Variants in MSR1 observed in about 807,000 individuals in gnomAD.
MSR1 encodes the protein macrophage scavenger receptor types I and II.
MSR1 carries 53 observed loss-of-function variants against 47.2 expected under a neutral mutation model. The ratio of observed to expected loss-of-function variants is 1.12; its 90% CI spans 0.90 to 1.41. The LOEUF (loss-of-function observed/expected upper bound fraction) is 1.41, where lower values mean the gene tolerates loss of function less well. Among genes scored for constraint, MSR1 ranks in the 40% most tolerant of loss-of-function variants. The probability of loss-of-function intolerance (pLI) is 0.00; values close to 1 mark genes in which losing one functional copy is unlikely to be tolerated. For missense variants in MSR1, 786 were observed against 546.9 expected (o/e 1.44, Z -4.36); for synonymous variants, 239 against 185.6 (o/e 1.29, Z -2.34).
At chr8:16,164,971 T>C (rs34519754) in intron 4 of MSR1, among the ~76,000 whole-genome samples, 15 of 152,234 alleles carry the variant, frequency 9.9e-5, no homozygotes, top group African/African-American at 3.1e-4. Flanking sequence ...TAAAATACTT[T>C]AGAGACTGAT....
chr8:16,111,726 C>A (rs1323186142), intron 9 of MSR1, among the ~76,000 whole-genome samples: 1 of 152,114 alleles, frequency 6.6e-6, no homozygotes, highest in Non-Finnish European at 1.5e-5. Context: ...TCTTATGTGG[C>A]AGGAAACACT....
chr8:16,112,967 G>A (rs1474828369), intron 9 of MSR1, among the ~76,000 whole-genome samples: 6 of 105,460 alleles, frequency 5.7e-5, no homozygotes, highest in African/African-American at 1.9e-4. Context: ...TTTTTTTTGA[G>A]ACAGAGACTC....
At position 16,126,534 on chromosome 8, in the gene MSR1, A is replaced by G. The variant is rs1800133041; in HGVS notation, c.1034-5928T>C. 2.6e-5 allele frequency among the ~76,000 whole-genome samples: 4 copies of G among 152,188 alleles called. No homozygotes were observed. In the South Asian group the frequency reaches 8.3e-4, roughly 32 times the overall value. ...CATGGCAAAATTCCTTTAAGAAGAT[A>G]ACTGATTCTTTATTTAAGATAATTA... On this transcript the variant is annotated intron_variant, in intron 8 of 9. Coordinates refer to ENST00000262101, the MANE Select transcript of MSR1 (RefSeq NM_138715.3).
At chr8:16,140,072 T>C (rs1352779653) in intron 8 of MSR1, 3 of 948,890 alleles carry the variant, frequency 3.2e-6, no homozygotes, top group Non-Finnish European at 3.7e-6. Flanking sequence ...AGGTACATAA[T>C]GGACATGTGA....
intron 3 of MSR1, among the ~76,000 whole-genome samples, chr8:16,174,087 C>G (rs1388142579): frequency 1.3e-5 from 2 of 152,138 alleles, no homozygotes; most frequent in South Asian, 2.1e-4. Flanking sequence ...TCTGAATTTT[C>G]TTATGTGGAT....
At chr8:16,112,293 A>T (rs1472463417) in intron 9 of MSR1, among the ~76,000 whole-genome samples, 1 of 152,140 alleles carries the variant, frequency 6.6e-6, no homozygotes, top group East Asian at 1.9e-4. Context: ...ACTTTTTATA[A>T]TAACCTTGTT....
At position 16,174,351 on chromosome 8, in the gene MSR1, A is replaced by G. The variant is rs184764806; in HGVS notation, c.217+836T>C. 3.4e-3 allele frequency among the ~76,000 whole-genome samples: 514 copies of G among 152,298 alleles called. 2 individuals are homozygous for G. The highest frequency in any genetic ancestry group is 6.0e-3 in the Non-Finnish European group (409 of 68,020). ...CACATGGGCAGACATTTTATCAGTC[A>G]TATAGAGAAGAGGAGAGCTATAAGG... On this transcript the variant is annotated intron_variant, in intron 3 of 9. Transcript: ENST00000262101.
In MSR1 at chr8:16,168,694, C is replaced by T. The variant is rs200991168; in HGVS notation, c.394G>A (p.Glu132Lys). The change falls in exon 4 of 10, where the codon GAA becomes AAA. Residue 132 changes from glutamate (E) to lysine (K), a missense_variant. Glu to Lys is a moderately conservative substitution (Grantham distance 56). Transcript: ENST00000262101. ...EKRIQHILDM[E>K]ANLMDTEHFQ... ...TGCTCTGTGTCCATGAGGTTGGCTT[C>T]CATGTCTAAAATATGCTGGATTCTC... The T allele has an allele frequency of 1.3e-5, 21 of 1,614,028 alleles. No homozygotes were observed. The highest frequency in any genetic ancestry group is 1.7e-5 in the Non-Finnish European group (20 of 1,180,024).
In MSR1 at chr8:16,177,902, T is replaced by C. The variant is rs747572335; in HGVS notation, c.87A>G (p.Thr29=). ...ESVKFDARSM[T]ALLPPNPKNS... ...TCTACTTACTCGGAGGAAGCAAAGC[T>C]GTCATTGAGCGAGCATCAAATTTCA... The change falls in exon 2 of 10, where the codon ACA becomes ACG. Residue 29 remains threonine, a synonymous_variant. Transcript: ENST00000262101. 35 of 1,613,748 alleles carry C rather than the reference T, an allele frequency of 2.2e-5. No homozygotes were observed. Among genetic ancestry groups the C allele is most frequent in the Non-Finnish European group, 2.5e-5 (30 of 1,179,874 alleles).
At chr8:16,148,030 C>T (rs556293029) in intron 7 of MSR1, among the ~76,000 whole-genome samples, 2 of 152,276 alleles carry the variant, frequency 1.3e-5, no homozygotes, top group South Asian at 4.1e-4. Context: ...GTGATTCCAA[C>T]ACCTACAATA....
At chr8:16,137,696 C>T (rs985669521) in intron 8 of MSR1, among the ~76,000 whole-genome samples, 1 of 152,092 alleles carries the variant, frequency 6.6e-6, no homozygotes, top group African/African-American at 2.4e-5. Flanking sequence ...GTATAATGCA[C>T]CAAAAACCCT....
At chr8:16,166,062 C>T (rs1801297027) in intron 4 of MSR1, among the ~76,000 whole-genome samples, 1 of 151,538 alleles carries the variant, frequency 6.6e-6, no homozygotes, top group Admixed American at 6.6e-5. Context: ...TCCAGACATT[C>T]AGCATAAAGT....
At chr8:16,121,006 C>T (rs1375475655) in intron 8 of MSR1, 1 of 307,190 alleles carries the variant, frequency 3.3e-6, no homozygotes, top group Non-Finnish European at 6.3e-6. Flanking sequence ...TATCAACATA[C>T]AATGCAGAGA....
chr8:16,122,128 G>C (rs918454048), intron 8 of MSR1, among the ~76,000 whole-genome samples: 2 of 152,014 alleles, frequency 1.3e-5, no homozygotes, highest in African/African-American at 2.4e-5. Context: ...TACTGATTTA[G>C]TGTAAGCATG....
chr8:16,133,105 T>C (rs1331802930), intron 8 of MSR1, among the ~76,000 whole-genome samples: 2 of 152,214 alleles, frequency 1.3e-5, no homozygotes, highest in African/African-American at 2.4e-5. Context: ...TAGTAAAATA[T>C]GGGGAGATTA....
At chr8:16,127,951 T>C (rs1300721656) in intron 8 of MSR1, among the ~76,000 whole-genome samples, 1 of 152,228 alleles carries the variant, frequency 6.6e-6, no homozygotes, top group Admixed American at 6.5e-5. Flanking sequence ...GGTTATTGTC[T>C]GTTTAAACAG....
chr8:16,131,642 T>C (rs1235558484), intron 8 of MSR1, among the ~76,000 whole-genome samples: 1 of 152,058 alleles, frequency 6.6e-6, no homozygotes, highest in African/African-American at 2.4e-5. Context: ...TTAATCCATC[T>C]TGAGTTGATT....
chr8:16,171,651 T>C (rs1801491579), intron 3 of MSR1, among the ~76,000 whole-genome samples: 1 of 152,148 alleles, frequency 6.6e-6, no homozygotes, highest in African/African-American at 2.4e-5. Context: ...AAAAGAACAA[T>C]TGGGAATGGA....
At chr8:16,149,774 G>C (rs1800796575) in intron 7 of MSR1, among the ~76,000 whole-genome samples, 1 of 152,046 alleles carries the variant, frequency 6.6e-6, no homozygotes, top group Admixed American at 6.6e-5. Flanking sequence ...TTTGCTAACA[G>C]TAACTTCACA....
Sources: allele counts gnomAD v4.1 joint callset (sites outside exome capture counted in the v4.1 genomes callset), GRCh38; gene constraint gnomAD v4.1.1; transcripts MANE v1.5; gene names NCBI Gene and HGNC (gene_info 2026-07-23, HGNC 2026-07-21).